CLDN14: variants seen among roughly 807,000 people sequenced by gnomAD.
The protein encoded by CLDN14 is claudin-14.
A neutral mutation model predicts 2.1 loss-of-function variants in CLDN14; 2 were observed. The observed-to-expected ratio is 0.96, with a 90% CI of 0.39 to 3.01. CLDN14 has a LOEUF of 3.01. CLDN14 is among the 30% of genes most tolerant of loss of function. The pLI, the probability that CLDN14 is intolerant of heterozygous loss-of-function variation, is 0.09. For missense variants in CLDN14, 298 were observed against 328.0 expected, an observed-to-expected ratio of 0.91 and a Z score of 0.71; for synonymous variants, 136 against 154.4, an observed-to-expected ratio of 0.88 and a Z score of 0.88.
chr21:36,523,746 TAAAAAAA>T (rs775431075), intron 1 of CLDN14, among the ~76,000 whole-genome samples: 1 of 42,938 alleles, frequency 2.3e-5, no homozygotes, highest in Non-Finnish European at 4.3e-5. Flanking sequence ...AGACTCCATC[TAAAAAAA>T]AAAAAAAAAG....
intron 1 of CLDN14, among the ~76,000 whole-genome samples, chr21:36,537,520 T>C (rs2087434107): frequency 6.6e-6 from 1 of 152,376 alleles, no homozygotes; most frequent in East Asian, 1.9e-4. Context: ...ATTAATGTTA[T>C]GAGGTATGAT....
At chr21:36,567,320 A>G (rs1266364134) in intron 1 of CLDN14, among the ~76,000 whole-genome samples, 1 of 152,374 alleles carries the variant, frequency 6.6e-6, no homozygotes, top group East Asian at 1.9e-4. Flanking sequence ...TAGAATAGCA[A>G]TAAATCTCCA....
intron 2 of CLDN14, among the ~76,000 whole-genome samples, chr21:36,489,134 ATATATAT>A (rs2086934127): frequency 4.7e-5 from 4 of 85,684 alleles, no homozygotes; most frequent in Non-Finnish European, 9.9e-5. Flanking sequence ...AAAAAAAAAT[ATATATAT>A]ATATATATAT....
rs561213010 is a variant in CLDN14, at chr21:36,537,641, TTTTTC to T, written c.-219-27146_-219-27142del. On this transcript the variant is annotated intron_variant, in intron 1 of 2. Transcript: ENST00000342108. ...TACAATTTACCTTCTTTTTTCTTTG[TTTTTC>T]TTTTCTTTTCTTTTTTTTTTTGAGA... Among the ~76,000 whole-genome samples the T allele has an allele frequency of 2.0e-3, 267 of 130,386 alleles. 3 individuals are homozygous for T. The highest frequency in any genetic ancestry group is 6.2e-3 in the African/African-American group (246 of 39,964). The allele number at this position is 130,386 out of a possible 152,430, so 85.5% of individuals were successfully genotyped here. A position where few individuals can be genotyped will look rare whatever the true frequency, so the allele number is the denominator to read the frequency against.
Position 36,515,789 on chromosome 21 carries a change from C to CTCTTT in CLDN14, c.-219-5290_-219-5289insAAAGA, listed in dbSNP as rs777338181. ...AAGCTGTGTTTCCCTTTTATCTTCT[C>CTCTTT]TTTTTTTTTTTTTTTGAGACAGAGT... On this transcript the variant is annotated intron_variant, in intron 1 of 2. Transcript: ENST00000342108. 1.1e-4 allele frequency among the ~76,000 whole-genome samples: 13 copies of CTCTTT among 115,310 alleles called. 5 individuals carry two copies. Among genetic ancestry groups the CTCTTT allele is most frequent in the Admixed American group, 2.8e-4 (3 of 10,618 alleles). The allele number at this position is 115,310 out of a possible 152,430, so 75.6% of individuals were successfully genotyped here. A position where few individuals can be genotyped will look rare whatever the true frequency, so the allele number is the denominator to read the frequency against.
At chr21:36,515,396 G>T (rs2087219326) in intron 1 of CLDN14, among the ~76,000 whole-genome samples, 1 of 152,082 alleles carries the variant, frequency 6.6e-6, no homozygotes, top group African/African-American at 2.4e-5. Flanking sequence ...GAAGTGGCCG[G>T]GCCTGGTGGC....
intron 1 of CLDN14, among the ~76,000 whole-genome samples, chr21:36,567,222 C>T (rs1032771811): frequency 6.6e-6 from 1 of 152,362 alleles, no homozygotes. Flanking sequence ...CATAGATGAA[C>T]TCAGAGAAGG....
At chr21:36,478,927 C>T (rs1457253941) in intron 1 of CLDN14, among the ~76,000 whole-genome samples, 1 of 152,162 alleles carries the variant, frequency 6.6e-6, no homozygotes, top group Non-Finnish European at 1.5e-5. Flanking sequence ...GGCATTTCTC[C>T]TCTTCAGCAC....
At chr21:36,555,850 T>TGTGA (rs1555854991) in intron 1 of CLDN14, among the ~76,000 whole-genome samples, 18 of 140,678 alleles carry the variant, frequency 1.3e-4, no homozygotes, top group Admixed American at 7.2e-4. Flanking sequence ...TGTGTGTGTG[T>TGTGA]GAGAGAGAGA....
At chr21:36,505,129 A>G (rs2087120879) in intron 2 of CLDN14, among the ~76,000 whole-genome samples, 1 of 152,222 alleles carries the variant, frequency 6.6e-6, no homozygotes, top group Middle Eastern at 3.2e-3. Context: ...AATCTCCACT[A>G]TATGAGAACA....
chr21:36,546,779 T>C (rs2087528518), intron 1 of CLDN14, among the ~76,000 whole-genome samples: 1 of 152,256 alleles, frequency 6.6e-6, no homozygotes, highest in Non-Finnish European at 1.5e-5. Context: ...ACCAAGATTA[T>C]TGGAATCTTC....
chr21:36,504,568 T>C (rs1055338154), intron 2 of CLDN14, among the ~76,000 whole-genome samples: 1 of 152,234 alleles, frequency 6.6e-6, no homozygotes, highest in Non-Finnish European at 1.5e-5. Context: ...TGGCTCATTC[T>C]TTCTTTGTGT....
chr21:36,505,362 T>C (rs1306235027), intron 2 of CLDN14, among the ~76,000 whole-genome samples: 1 of 152,190 alleles, frequency 6.6e-6, no homozygotes, highest in East Asian at 1.9e-4. Context: ...TTTGAAGCAC[T>C]GCAGACAGCC....
At chr21:36,482,069 C>T (rs1300313240), upstream of CLDN14, among the ~76,000 whole-genome samples, 6 of 152,202 alleles carry the variant, frequency 3.9e-5, no homozygotes, top group Non-Finnish European at 4.4e-5. Context: ...CCATCAACGT[C>T]TGCCCTTGGG....
chr21:36,551,980 T>A lies in CLDN14; in HGVS notation c.-220+24431A>T, dbSNP rs764100455. Among the ~76,000 whole-genome samples, 1 of 152,156 alleles carries A rather than the reference T, an allele frequency of 6.6e-6. No individual in the cohort carries two copies. Among genetic ancestry groups the A allele is most frequent in the Non-Finnish European group, 1.5e-5 (1 of 68,020 alleles). On this transcript the variant is annotated intron_variant, in intron 1 of 2. Coordinates refer to the CLDN14 transcript ENST00000342108. This position sits in a 1 kb window ranked among gnomAD's most constrained non-coding sequence, Gnocchi z 4.8. ...GGAAGTAGGAAAGGAGGTGGTTTCA[T>A]GTGAGATTTCTACAGTTTGCTAACA... is the stretch of plus-strand genomic sequence containing the variant.
intron 1 of CLDN14, among the ~76,000 whole-genome samples, chr21:36,540,796 T>C (rs1445389367): frequency 6.6e-6 from 1 of 152,150 alleles, no homozygotes; most frequent in Non-Finnish European, 1.5e-5. Context: ...ATGTTTATTC[T>C]AAGGGAAGAG....
chr21:36,555,887 C>T (rs1188116336), intron 1 of CLDN14, among the ~76,000 whole-genome samples: 1 of 151,348 alleles, frequency 6.6e-6, no homozygotes, highest in Non-Finnish European at 1.5e-5. Context: ...GCACGCACAG[C>T]ATAGGGACAC....
At chr21:36,468,620 TCA>T (rs1491185868) in intron 1 of CLDN14, among the ~76,000 whole-genome samples, 10 of 128,040 alleles carry the variant, frequency 7.8e-5, no homozygotes, top group African/African-American at 2.7e-4. Context: ...AAAAATAAAC[TCA>T]GGGGAGATTT....
chr21:36,461,186 G>A lies in CLDN14; in HGVS notation c.510C>T (p.Ser170=). 1 of 1,613,978 alleles carries A rather than the reference G, an allele frequency of 6.2e-7. No homozygotes were observed. Among genetic ancestry groups the A allele is most frequent in the Non-Finnish European group, 8.5e-7 (1 of 1,179,832 alleles). ...TGCCACCAATGAGCGAGAGGGACGA[G>A]GAGATGAAGCCCAGGTACAGGGCCT... ...IGQALYLGFI[S]SSLSLIGGTL... Residue 170 remains serine (S), a synonymous_variant, in exon 2 of 2, where the codon TCC becomes TCT. Coordinates refer to ENST00000399135, the MANE Select transcript of CLDN14 (RefSeq NM_001146079.2).
Sources: allele counts gnomAD v4.1 joint callset (sites outside exome capture counted in the v4.1 genomes callset), GRCh38; gene constraint gnomAD v4.1.1; non-coding constraint Gnocchi (gnomAD v3.1); transcripts MANE v1.5; gene names NCBI Gene and HGNC (gene_info 2026-07-23, HGNC 2026-07-21).